Variants in VRK1 observed in about 807,000 individuals in gnomAD.
VRK1 encodes serine/threonine-protein kinase VRK1.
VRK1 carries 33 observed loss-of-function variants against 57.1 expected under a neutral mutation model. That is an observed-to-expected ratio of 0.58 (90% confidence interval 0.44 to 0.77). VRK1 has a LOEUF of 0.77. Ranked by LOEUF, VRK1 falls within the 30% of genes least tolerant of loss-of-function variation. VRK1 has a pLI of 0.00. For missense variants in VRK1, 413 were observed against 477.3 expected, an observed-to-expected ratio of 0.87 and a Z score of 1.25; for synonymous variants, 137 against 147.8, an observed-to-expected ratio of 0.93 and a Z score of 0.53.
At chr14:96,838,122 C>A (rs1192767174) in intron 3 of VRK1, among the ~76,000 whole-genome samples, 1 of 151,928 alleles carries the variant, frequency 6.6e-6, no homozygotes, top group Non-Finnish European at 1.5e-5. Flanking sequence ...TTTATGGATA[C>A]TTTTTATATT....
chr14:96,856,121 C>G lies in VRK1; in HGVS notation c.710-9C>G. 6.2e-7 allele frequency: 1 copy of G among 1,613,332 alleles called. No homozygotes were observed. On this transcript the variant is annotated splice_polypyrimidine_tract_variant and intron_variant, in intron 8 of 12. Coordinates refer to ENST00000216639, the MANE Select transcript of VRK1 (RefSeq NM_003384.3). ...CAGTCTACCTAATGTTCTTCTCTTG[C>G]ATTTGTAGCCCCATCAAGACGTGGT...
At chr14:96,871,458 C>T (rs894563382) in intron 11 of VRK1, among the ~76,000 whole-genome samples, 1 of 152,176 alleles carries the variant, frequency 6.6e-6, no homozygotes, top group Non-Finnish European at 1.5e-5. Flanking sequence ...AGTGGGATTA[C>T]ACTGGACACT....
chr14:96,859,508 G>T (rs1249653603), intron 10 of VRK1, among the ~76,000 whole-genome samples: 2 of 152,040 alleles, frequency 1.3e-5, no homozygotes, highest in Non-Finnish European at 2.9e-5. Context: ...TAGGTTTTTT[G>T]TACATCTCCT....
At chr14:96,828,004 A>G (rs1055635696) in intron 1 of VRK1, among the ~76,000 whole-genome samples, 1 of 152,214 alleles carries the variant, frequency 6.6e-6, no homozygotes, top group Non-Finnish European at 1.5e-5. Context: ...TAGTCCCCAA[A>G]GTGATATCTG....
At chr14:96,853,048 A>G (rs762280420) in intron 6 of VRK1, 26 bp from the exon 7 acceptor site, 2 of 1,612,244 alleles carry the variant, frequency 1.2e-6, no homozygotes, top group African/African-American at 2.7e-5. Flanking sequence ...TACTGCATTA[A>G]CTTATTCTGT....
intron 5 of VRK1, among the ~76,000 whole-genome samples, chr14:96,852,110 G>A (rs1430819582): frequency 2.0e-5 from 3 of 152,166 alleles, no homozygotes; most frequent in East Asian, 3.8e-4. Context: ...GAAATATAAC[G>A]TGATTATTGA....
intron 12 of VRK1, among the ~76,000 whole-genome samples, chr14:96,878,154 T>C (rs1361710703): frequency 6.6e-6 from 1 of 152,168 alleles, no homozygotes; most frequent in Non-Finnish European, 1.5e-5. Context: ...TATTTTACTA[T>C]CAAAATAATC....
At chr14:96,835,646 T>G (rs1051667169) in intron 2 of VRK1, among the ~76,000 whole-genome samples, 1 of 152,226 alleles carries the variant, frequency 6.6e-6, no homozygotes, top group African/African-American at 2.4e-5. Flanking sequence ...GATCCTGTCA[T>G]GAGGATTGTC....
At chr14:96,858,711 G>C (rs1218089496) in intron 10 of VRK1, among the ~76,000 whole-genome samples, 1 of 152,112 alleles carries the variant, frequency 6.6e-6, no homozygotes, top group South Asian at 2.1e-4. Flanking sequence ...CTGTGCACCT[G>C]TTTCTGGACT....
chr14:96,808,931 C>A (rs910194330), intron 1 of VRK1, among the ~76,000 whole-genome samples: 4 of 152,144 alleles, frequency 2.6e-5, no homozygotes, highest in Non-Finnish European at 5.9e-5. Context: ...TGCTTGGGGT[C>A]TAGAATCATT....
At chr14:96,820,399 C>A (rs565176872) in intron 1 of VRK1, among the ~76,000 whole-genome samples, 1 of 152,126 alleles carries the variant, frequency 6.6e-6, no homozygotes, top group Non-Finnish European at 1.5e-5. Flanking sequence ...CTCAATTGAT[C>A]GTTGTCAACT....
intron 1 of VRK1, among the ~76,000 whole-genome samples, chr14:96,827,205 T>C (rs1445301426): frequency 6.6e-6 from 1 of 152,134 alleles, no homozygotes; most frequent in East Asian, 1.9e-4. Context: ...TTGTGCAAGT[T>C]AGTAATTTAT....
intron 10 of VRK1, among the ~76,000 whole-genome samples, chr14:96,858,558 GTTT>G (rs1283754287): frequency 2.6e-5 from 4 of 152,144 alleles, no homozygotes; most frequent in African/African-American, 9.7e-5. Flanking sequence ...CCTGCAGTTG[GTTT>G]TTGGGTATTA....
chr14:96,797,737 C>G (rs142551720), intron 1 of VRK1, among the ~76,000 whole-genome samples: 1 of 152,206 alleles, frequency 6.6e-6, no homozygotes, highest in East Asian at 1.9e-4. Flanking sequence ...GTTCTGGACG[C>G]GCGTGGTGTC....
chr14:96,808,002 C>T (rs8018153), intron 1 of VRK1, among the ~76,000 whole-genome samples: 151 of 118,134 alleles, frequency 1.3e-3, no homozygotes, highest in East Asian at 9.4e-3. Context: ...TCCCTCTCTC[C>T]CTCTCTCTCT....
Position 96,855,346 on chromosome 14 carries a change from C to T in VRK1, c.699C>T (p.His233=), listed in dbSNP as rs1372315924. 3.7e-6 allele frequency: 6 copies of T among 1,613,904 alleles called. No individual in the cohort carries two copies. Among genetic ancestry groups the T allele is most frequent in the Non-Finnish European group, 5.1e-6 (6 of 1,179,916 alleles). ...GTIEFTSIDA[H]NGVAPSRRGD... ...TTGAATTCACGAGCATCGATGCACA[C>T]AATGGCGTGGGTATGTCAGTAGTAC... Residue 233 remains histidine, a synonymous_variant, in exon 8 of 13, where the codon CAC becomes CAT. Coordinates refer to ENST00000216639, the MANE Select transcript of VRK1 (RefSeq NM_003384.3).
At position 96,854,923 on chromosome 14, in the gene VRK1, C is replaced by T. The variant is rs183247104; in HGVS notation, c.577-301C>T. 0.013 allele frequency among the ~76,000 whole-genome samples: 1,918 copies of T among 152,092 alleles called. 17 individuals are homozygous for T. The highest frequency in any genetic ancestry group is 0.021 in the Middle Eastern group (6 of 292). On this transcript the variant is annotated intron_variant, in intron 7 of 12. Coordinates refer to ENST00000216639, the MANE Select transcript of VRK1 (RefSeq NM_003384.3). ...GATAAAGTATAAAATGTATAATTTT[C>T]GTTCAAATTGAGACAAGATTAATTA... is the stretch of plus-strand genomic sequence containing the variant.
intron 2 of VRK1, among the ~76,000 whole-genome samples, chr14:96,835,464 A>C (rs1887176374): frequency 6.6e-6 from 1 of 151,840 alleles, no homozygotes; most frequent in East Asian, 1.9e-4. Flanking sequence ...ATTCTTTCTG[A>C]GTGATATCAG....
intron 11 of VRK1, among the ~76,000 whole-genome samples, chr14:96,869,480 G>T (rs899194894): frequency 6.6e-6 from 1 of 152,156 alleles, no homozygotes; most frequent in Admixed American, 6.5e-5. Flanking sequence ...TGTTAAAATA[G>T]GTTGTTTTGA....
Sources: gnomAD v4.1 joint callset for allele counts (sites outside exome capture counted in the v4.1 genomes callset) on GRCh38, gnomAD v4.1.1 for gene constraint, MANE v1.5 for transcripts, NCBI Gene and HGNC (gene_info 2026-07-23, HGNC 2026-07-21) for gene names.